The following CEMIP variants were observed in gnomAD, a reference collection of about 807,000 sequenced individuals.
The protein encoded by CEMIP is cell migration inducing hyaluronidase 1.
A neutral mutation model predicts 156.9 loss-of-function variants in CEMIP; 105 were observed. That is an observed-to-expected ratio of 0.67 (90% CI 0.57 to 0.79). The LOEUF is 0.79. Ranked by LOEUF, CEMIP falls within the 30% of genes least tolerant of loss-of-function variation. The pLI is 0.00. For missense variants in CEMIP, 1,457 were observed against 1,769.4 expected (o/e 0.82, Z 3.17); for synonymous variants, 676 against 668.4 (o/e 1.01, Z -0.17).
chr15:80,789,775 G>C (rs1198658638), intron 1 of CEMIP, among the ~76,000 whole-genome samples: 6 of 152,044 alleles, frequency 3.9e-5, no homozygotes, highest in African/African-American at 1.5e-4. Context: ...AACATATCCT[G>C]GAGTTTTCTG....
intron 15 of CEMIP, 21 bp from the exon 16 acceptor site, chr15:80,921,011 G>GT: frequency 6.2e-7 from 1 of 1,612,710 alleles, no homozygotes; most frequent in Non-Finnish European, 8.5e-7. Context: ...CTGATCTCAG[G>GT]TATCTCTGCC....
chr15:80,859,665 A>G (rs1897937454), intron 1 of CEMIP, among the ~76,000 whole-genome samples: 2 of 152,384 alleles, frequency 1.3e-5, no homozygotes, highest in South Asian at 4.1e-4. Flanking sequence ...CCAGGTAGAC[A>G]GTATCAGAAT....
At chr15:80,941,046 T>G (rs1901316224) in intron 25 of CEMIP, among the ~76,000 whole-genome samples, 1 of 152,160 alleles carries the variant, frequency 6.6e-6, no homozygotes, top group Non-Finnish European at 1.5e-5. Context: ...ATGGCCCCTC[T>G]GTGAGTCCAA....
At chr15:80,817,176 G>T (rs575087158) in intron 1 of CEMIP, among the ~76,000 whole-genome samples, 1 of 152,136 alleles carries the variant, frequency 6.6e-6, no homozygotes, top group Non-Finnish European at 1.5e-5. Context: ...CTGGGGATGC[G>T]GAAGGCTGTG....
Position 80,920,217 on chromosome 15 carries a change from T to A in CEMIP, c.1921T>A (p.Ser641Thr). Reference protein sequence around the residue: ...LLVKSGTLLPSDRDSKMCKMI... With the variant: ...LLVKSGTLLPTDRDSKMCKMI... ...TGTCAAGTCTGGAACCCTCCTCCCC[T>A]CGGACCGTGACAGCAAGATGTGCAA... The change falls in exon 15 of 30, where the codon TCG becomes ACG. Residue 641 changes from serine to threonine, a missense_variant. Ser to Thr is a moderately conservative substitution (Grantham distance 58, BLOSUM62 1). This residue lies in a region of CEMIP where 798 missense variants were observed against 980.1 expected (regional missense o/e 0.81). Coordinates refer to ENST00000394685, the MANE Select transcript of CEMIP (RefSeq NM_001293298.2). 6.2e-7 allele frequency: 1 copy of A among 1,614,116 alleles called. No individual in the cohort carries two copies. The highest frequency in any genetic ancestry group is 8.5e-7 in the Non-Finnish European group (1 of 1,180,012).
intron 10 of CEMIP, among the ~76,000 whole-genome samples, chr15:80,893,182 A>AAAAT (rs71153557): frequency 0.13 from 20,240 of 151,686 alleles, 1,509 homozygotes; most frequent in Non-Finnish European, 0.17. Flanking sequence ...GCTCTGTCTC[A>AAAAT]AAATAAATAA....
chr15:80,937,192 C>G (rs959229245), intron 24 of CEMIP, among the ~76,000 whole-genome samples: 2 of 152,138 alleles, frequency 1.3e-5, no homozygotes, highest in African/African-American at 4.8e-5. Flanking sequence ...ATGGCGGGCA[C>G]CCAGGACCTG....
intron 1 of CEMIP, among the ~76,000 whole-genome samples, chr15:80,790,270 G>GC (rs1486569268): frequency 6.6e-6 from 1 of 152,096 alleles, no homozygotes; most frequent in Admixed American, 6.6e-5. Context: ...CTGAACACCA[G>GC]CCCCCCAAGC....
intron 7 of CEMIP, among the ~76,000 whole-genome samples, chr15:80,885,058 C>T (rs1313075239): frequency 6.6e-6 from 1 of 152,196 alleles, no homozygotes; most frequent in Admixed American, 6.5e-5. Flanking sequence ...TTGTCCTGAT[C>T]CTCTCCCTCC....
At position 80,932,022 on chromosome 15, in the gene CEMIP, G is replaced by A. The variant is rs1370412674; in HGVS notation, c.2776G>A (p.Ala926Thr). 1.2e-6 allele frequency: 2 copies of A among 1,613,868 alleles called. No individual in the cohort carries two copies. Among genetic ancestry groups the A allele is most frequent in the Admixed American group, 1.7e-5 (1 of 60,030 alleles). ...CCCCCATAACAACGTGACCGGCATT[G>A]CCTTTGAGGACGTTCCGGTGAGTGA... ...SCPHNNVTGI[A>T]FEDVPITSRV... The change falls in exon 22 of 30, where the codon GCC becomes ACC. Residue 926 changes from alanine to threonine, a missense_variant. This residue lies in a region of CEMIP where 798 missense variants were observed against 980.1 expected (regional missense o/e 0.81). Transcript: ENST00000394685. This position sits in a 1 kb window ranked among gnomAD's most constrained non-coding sequence, Gnocchi z 4.5.
At chr15:80,837,066 C>A (rs1235251580) in intron 1 of CEMIP, among the ~76,000 whole-genome samples, 1 of 152,218 alleles carries the variant, frequency 6.6e-6, no homozygotes, top group Non-Finnish European at 1.5e-5. Flanking sequence ...CCTATTCTAT[C>A]TGCAATCATC....
At chr15:80,903,740 G>A (rs1012081039) in intron 12 of CEMIP, among the ~76,000 whole-genome samples, 1 of 152,158 alleles carries the variant, frequency 6.6e-6, no homozygotes, top group Non-Finnish European at 1.5e-5. Context: ...TCCTTTCCTT[G>A]GTGAAGTTTG....
At chr15:80,783,365 T>C (rs2141556471) in intron 1 of CEMIP, among the ~76,000 whole-genome samples, 1 of 152,372 alleles carries the variant, frequency 6.6e-6, no homozygotes, top group South Asian at 2.1e-4. Context: ...TTCTACATGA[T>C]GGCACATACC....
chr15:80,897,285 A>G (rs1319723935), intron 12 of CEMIP: 1 of 455,952 alleles, frequency 2.2e-6, no homozygotes, highest in East Asian at 6.9e-5. Context: ...AAACCCACAG[A>G]ACATAAAATT....
chr15:80,927,427 C>T (rs187550093), intron 19 of CEMIP, among the ~76,000 whole-genome samples: 3 of 152,138 alleles, frequency 2.0e-5, no homozygotes, highest in African/African-American at 7.2e-5. Flanking sequence ...GGGTGGAAGC[C>T]CTGGGTTGAA....
In CEMIP at chr15:80,844,246, C is replaced by A. The variant is rs529200667; in HGVS notation, c.-175-29292C>A. On this transcript the variant is annotated intron_variant, in intron 1 of 29. Coordinates refer to ENST00000394685, the MANE Select transcript of CEMIP (RefSeq NM_001293298.2). ...GCCCCCACCCCTGTCGCGCCCTCCCCCTGCCTGGGATGAGCTGCAGCTGCC... is the reference window on the plus strand; with the variant it reads ...GCCCCCACCCCTGTCGCGCCCTCCCACTGCCTGGGATGAGCTGCAGCTGCC... 3.3e-3 allele frequency among the ~76,000 whole-genome samples: 505 copies of A among 152,354 alleles called. 2 individuals carry two copies. The highest frequency in any genetic ancestry group is 5.7e-3 in the Non-Finnish European group (387 of 68,024).
At chr15:80,905,791 T>C (rs1364007331) in intron 12 of CEMIP, among the ~76,000 whole-genome samples, 1 of 151,896 alleles carries the variant, frequency 6.6e-6, no homozygotes, top group Non-Finnish European at 1.5e-5. Context: ...TCCAGGGCCT[T>C]AAGGATATGG....
intron 12 of CEMIP, among the ~76,000 whole-genome samples, chr15:80,905,136 G>A (rs924248052): frequency 1.3e-5 from 2 of 152,180 alleles, no homozygotes; most frequent in Non-Finnish European, 1.5e-5. Context: ...GTGTTACTCA[G>A]GGCTAATTAT....
At chr15:80,908,312 A>T (rs1203357274) in intron 13 of CEMIP, among the ~76,000 whole-genome samples, 1 of 152,124 alleles carries the variant, frequency 6.6e-6, no homozygotes, top group Non-Finnish European at 1.5e-5. Flanking sequence ...ATCATTCTCA[A>T]CACAGCTCTC....
Sources: allele counts gnomAD v4.1 joint callset (sites outside exome capture counted in the v4.1 genomes callset), GRCh38; gene constraint gnomAD v4.1.1; regional missense constraint gnomAD v4.1.1; non-coding constraint Gnocchi (gnomAD v3.1); transcripts MANE v1.5; gene names NCBI Gene and HGNC (gene_info 2026-07-23, HGNC 2026-07-21).